Variants in APTX observed in about 807,000 individuals in gnomAD.
The protein encoded by APTX is forkhead-associated domain histidine triad-like protein.
APTX carries 33 observed loss-of-function variants against 42.3 expected under a neutral mutation model. The observed-to-expected ratio is 0.78, with a 90% CI of 0.59 to 1.04. APTX has a LOEUF of 1.04. Ranked by LOEUF, APTX falls within the 50% of genes least tolerant of loss-of-function variation. APTX has a pLI of 0.00. For synonymous variants in APTX, 130 were observed against 146.7 expected, an observed-to-expected ratio of 0.89 and a Z score of 0.82; for missense variants, 421 against 415.1, an observed-to-expected ratio of 1.01 and a Z score of -0.12.
chr9:33,017,916 C>G (rs1304821644), intron 1 of APTX, among the ~76,000 whole-genome samples: 1 of 146,106 alleles, frequency 6.8e-6, no homozygotes, highest in Non-Finnish European at 1.5e-5. Flanking sequence ...GTTAGTTGCC[C>G]TAGCAACCAG....
At chr9:32,984,481 G>A (rs747905100) in intron 6 of APTX, 150 bp downstream of exon 6, 146 of 736,114 alleles carry the variant, frequency 2.0e-4, no homozygotes, top group Non-Finnish European at 3.2e-4. Flanking sequence ...GTCAGGCAGA[G>A]AGGTGGAAGC....
At chr9:33,014,856 A>G (rs1587657815) in intron 1 of APTX, among the ~76,000 whole-genome samples, 2 of 152,350 alleles carry the variant, frequency 1.3e-5, no homozygotes. Flanking sequence ...TGCTCCTCAC[A>G]TAACACAATG....
chr9:32,984,986 G>T, intron 5 of APTX, 129 bp from the exon 6 acceptor site: 1 of 816,262 alleles, frequency 1.2e-6, no homozygotes, highest in Non-Finnish European at 2.0e-6. Flanking sequence ...CCAGTTTTGA[G>T]AGAGGAGAGC....
chr9:33,001,380 A>C, intron 1 of APTX, 187 bp downstream of exon 1: 1 of 1,531,964 alleles, frequency 6.5e-7, no homozygotes, highest in Non-Finnish European at 8.7e-7. Context: ...TCGAAGACCA[A>C]CGCGAGCGCC....
chr9:33,020,849 G>C (rs1053995961), intron 1 of APTX, among the ~76,000 whole-genome samples: 4 of 152,230 alleles, frequency 2.6e-5, no homozygotes, highest in Non-Finnish European at 5.9e-5. Context: ...TGAGTTATTG[G>C]CCAGGCGTGG....
chr9:33,023,333 C>G (rs1838549584), intron 1 of APTX, among the ~76,000 whole-genome samples: 1 of 152,098 alleles, frequency 6.6e-6, no homozygotes, highest in South Asian at 2.1e-4. Context: ...AAGCGATTCT[C>G]CTGCCACAGC....
At chr9:33,022,350 AATAAG>A (rs1417183735) in intron 1 of APTX, among the ~76,000 whole-genome samples, 1 of 152,250 alleles carries the variant, frequency 6.6e-6, no homozygotes, top group African/African-American at 2.4e-5. Flanking sequence ...AACTCGAAAC[AATAAG>A]ATATCACTTT....
At chr9:33,001,884 C>T (rs1836634522), upstream of APTX, among the ~76,000 whole-genome samples, 1 of 152,200 alleles carries the variant, frequency 6.6e-6, no homozygotes, top group Non-Finnish European at 1.5e-5. Context: ...CATTTCAGAC[C>T]CAATCCCTCT....
upstream of APTX, among the ~76,000 whole-genome samples, chr9:33,004,426 T>C (rs1057053360): frequency 2.0e-5 from 3 of 152,222 alleles, no homozygotes; most frequent in African/African-American, 7.2e-5. Context: ...CCACTGAAAT[T>C]TGTTTTTAAT....
At position 32,972,960 on chromosome 9, in the gene APTX, G is replaced by C. The variant is rs762743887; in HGVS notation, c.*538C>G. On this transcript the variant is annotated 3_prime_UTR_variant, in exon 8 of 8. Coordinates refer to ENST00000379817, the MANE Select transcript of APTX (RefSeq NM_001195248.2). ...AGAATTCCTGAGAAGGGAACATTTA[G>C]GTAATCTGGGATAGAAGGGCATGGA... 8.8e-6 allele frequency: 4 copies of C among 453,956 alleles called. No homozygotes were observed. Among genetic ancestry groups the C allele is most frequent in the Non-Finnish European group, 1.8e-5 (4 of 226,794 alleles). 28.1% of individuals were successfully genotyped at this position (453,956 alleles called of 1,614,324 possible). A position where few individuals can be genotyped will look rare whatever the true frequency, so the allele number is the denominator to read the frequency against.
At chr9:33,019,854 C>A in intron 1 of APTX, 1 of 648,328 alleles carries the variant, frequency 1.5e-6, no homozygotes, top group East Asian at 3.1e-5. Flanking sequence ...AGATCCTTCC[C>A]AACCACCCTT....
At chr9:32,979,407 T>C (rs1391163310) in intron 6 of APTX, among the ~76,000 whole-genome samples, 3 of 152,222 alleles carry the variant, frequency 2.0e-5, no homozygotes, top group South Asian at 4.1e-4. Context: ...TTCCATGGTG[T>C]ATATGTACCA....
chr9:32,991,014 C>A (rs934966298), intron 1 of APTX, among the ~76,000 whole-genome samples: 3 of 152,068 alleles, frequency 2.0e-5, no homozygotes, highest in Admixed American at 6.6e-5. Flanking sequence ...GCAACCTCTG[C>A]CTCCTGGGTT....
chr9:33,018,844 G>A (rs1281117087), intron 1 of APTX, among the ~76,000 whole-genome samples: 2 of 152,054 alleles, frequency 1.3e-5, no homozygotes, highest in East Asian at 1.9e-4. Context: ...ACGCCATTGC[G>A]CTCCAGCCCA....
chr9:32,979,949 C>A, intron 6 of APTX: 1 of 163,952 alleles, frequency 6.1e-6, no homozygotes, highest in Non-Finnish European at 1.3e-5. Flanking sequence ...GCAGTGTAGC[C>A]ATCTCCTGTT....
chr9:33,020,720 A>G (rs573125921), intron 1 of APTX, among the ~76,000 whole-genome samples: 2 of 152,364 alleles, frequency 1.3e-5, no homozygotes, highest in Admixed American at 1.3e-4. Flanking sequence ...GTCTCTCAAG[A>G]GCCTTCAAAA....
At chr9:32,999,770 T>C (rs1835816986) in intron 1 of APTX, among the ~76,000 whole-genome samples, 1 of 151,828 alleles carries the variant, frequency 6.6e-6, no homozygotes. Flanking sequence ...GGTCAGGAGA[T>C]CAAGACCATC....
In APTX at chr9:33,001,587, C is replaced by A; in HGVS notation, c.-25G>T. The A allele has an allele frequency of 1.2e-6, 2 of 1,614,012 alleles. No individual in the cohort carries two copies. The highest frequency in any genetic ancestry group is 1.7e-6 in the Non-Finnish European group (2 of 1,180,040). Reference sequence around the variant, plus strand: ...CTTACCTCCAGAAGTCGGAGACGGACAAATTCACGTTACTCATCTGTGCCT... The same window carrying A: ...CTTACCTCCAGAAGTCGGAGACGGAAAAATTCACGTTACTCATCTGTGCCT... On this transcript the variant is annotated 5_prime_UTR_variant, in exon 1 of 8. Transcript: ENST00000379817.
intron 1 of APTX, among the ~76,000 whole-genome samples, chr9:33,023,689 T>C (rs753025272): frequency 2.6e-5 from 4 of 152,220 alleles, no homozygotes; most frequent in South Asian, 2.1e-4. Context: ...TGCAAAAGCA[T>C]ACAAAGGTGA....
Sources: gnomAD v4.1 joint callset for allele counts (sites outside exome capture counted in the v4.1 genomes callset) on GRCh38, gnomAD v4.1.1 for gene constraint, MANE v1.5 for transcripts, NCBI Gene and HGNC (gene_info 2026-07-23, HGNC 2026-07-21) for gene names.